The following ANKS1B variants were observed in gnomAD, a reference collection of about 807,000 sequenced individuals.
The protein encoded by ANKS1B is ankyrin repeat and sterile alpha motif domain-containing protein 1B.
A neutral mutation model predicts 148.3 loss-of-function variants in ANKS1B; 36 were observed. The observed-to-expected ratio is 0.24, with a 90% CI of 0.19 to 0.32. The LOEUF (loss-of-function observed/expected upper bound fraction) is 0.32. ANKS1B is among the 10% of genes least tolerant of loss of function. The probability of loss-of-function intolerance (pLI) is 1.00; values close to 1 mark genes in which losing one functional copy is unlikely to be tolerated. For synonymous variants in ANKS1B, 542 were observed against 560.8 expected (o/e 0.97, Z 0.47); for missense variants, 1,157 against 1,542.6 (o/e 0.75, Z 4.19).
At chr12:99,129,836 G>A (rs142244231) in intron 15 of ANKS1B, among the ~76,000 whole-genome samples, 1 of 152,154 alleles carries the variant, frequency 6.6e-6, no homozygotes, top group Admixed American at 6.5e-5. Context: ...AAGATGTTCA[G>A]TATAACATTG....
intron 1 of ANKS1B, among the ~76,000 whole-genome samples, chr12:99,877,308 T>C (rs149069968): frequency 2.1e-3 from 313 of 152,358 alleles, no homozygotes; most frequent in African/African-American, 7.4e-3. Flanking sequence ...CACATTCCAA[T>C]GGCTCTAAAG....
chr12:99,227,418 A>T (rs983741832), intron 14 of ANKS1B, among the ~76,000 whole-genome samples: 2 of 152,154 alleles, frequency 1.3e-5, no homozygotes, highest in Non-Finnish European at 2.9e-5. Flanking sequence ...TTTTCTTTAT[A>T]AATCACTCAG....
intron 17 of ANKS1B, among the ~76,000 whole-genome samples, chr12:98,992,562 C>T (rs1052440654): frequency 5.3e-5 from 8 of 152,312 alleles, no homozygotes; most frequent in Non-Finnish European, 1.2e-4. Context: ...GCTTCCCCTT[C>T]GCCTTCTGCT....
chr12:98,987,362 T>C (rs913050332), intron 17 of ANKS1B, among the ~76,000 whole-genome samples: 1 of 152,140 alleles, frequency 6.6e-6, no homozygotes, highest in Non-Finnish European at 1.5e-5. Flanking sequence ...ATTTCTAAAG[T>C]ATCCCATTAT....
At chr12:99,275,619 TC>T (rs1466080006) in intron 12 of ANKS1B, among the ~76,000 whole-genome samples, 3 of 152,236 alleles carry the variant, frequency 2.0e-5, no homozygotes, top group Non-Finnish European at 2.9e-5. Context: ...TGTTTCCAAA[TC>T]TTGGCTATTG....
chr12:99,842,629 T>C (rs2085928917), intron 1 of ANKS1B, among the ~76,000 whole-genome samples: 2 of 152,068 alleles, frequency 1.3e-5, no homozygotes, highest in African/African-American at 4.8e-5. Flanking sequence ...TTCCTCTTGG[T>C]AATTTTCCAT....
At chr12:99,925,622 C>A (rs1380939041) in intron 1 of ANKS1B, among the ~76,000 whole-genome samples, 1 of 152,092 alleles carries the variant, frequency 6.6e-6, no homozygotes, top group Non-Finnish European at 1.5e-5. Flanking sequence ...TGGAGCTGGA[C>A]CCTACGAGCA....
rs1422497063 is a variant in ANKS1B at position 99,672,473 on chromosome 12, C to T, written c.1129-17263G>A. 2.6e-5 allele frequency among the ~76,000 whole-genome samples: 4 copies of T among 152,098 alleles called. No individual in the cohort carries two copies. The East Asian group carries it at 5.8e-4, about 22-fold the overall frequency. The stretch of plus-strand genomic sequence containing the variant: ...ACTAAATCTGTCAGTTACAACATCA[C>T]CAGGGAATGCCATCCTGTCATTGCA... On this transcript the variant is annotated intron_variant, in intron 8 of 26. Transcript: ENST00000683438.
chr12:99,086,380 A>G (rs1427242500), intron 15 of ANKS1B, among the ~76,000 whole-genome samples: 2 of 152,178 alleles, frequency 1.3e-5, no homozygotes, highest in African/African-American at 4.8e-5. Flanking sequence ...TAATATGGAG[A>G]GAGGAGCAAA....
Position 99,523,899 on chromosome 12 carries a change from G to T in ANKS1B, c.1273-19258C>A, listed in dbSNP as rs571340036. On this transcript the variant is annotated intron_variant, in intron 9 of 26. Coordinates refer to ENST00000683438, the MANE Select transcript of ANKS1B (RefSeq NM_001352186.2). ...TAGAAGATAGCAGTTTGAATTAGAC[G>T]AGTTTTAAGATGCTAAGTAAATGAG... 2.6e-5 allele frequency among the ~76,000 whole-genome samples: 4 copies of T among 152,252 alleles called. No individual in the cohort carries two copies. The South Asian group carries it at 8.3e-4, about 32-fold the overall frequency.
intron 17 of ANKS1B, among the ~76,000 whole-genome samples, chr12:98,878,185 A>G (rs1247479070): frequency 2.6e-5 from 4 of 151,066 alleles, no homozygotes; most frequent in Non-Finnish European, 5.9e-5. Flanking sequence ...ATGAGGACGT[A>G]CTACTTGTGT....
At chr12:98,806,870 C>T (rs1045372103) in intron 20 of ANKS1B, among the ~76,000 whole-genome samples, 5 of 152,176 alleles carry the variant, frequency 3.3e-5, no homozygotes, top group African/African-American at 9.7e-5. Flanking sequence ...TGCTGGGTCA[C>T]GTGAACACCA....
intron 17 of ANKS1B, among the ~76,000 whole-genome samples, chr12:98,938,899 T>A (rs947551687): frequency 6.6e-5 from 10 of 152,236 alleles, no homozygotes; most frequent in African/African-American, 2.4e-4. Flanking sequence ...GGAAAAGGCC[T>A]TGGTGAGAAG....
chr12:99,512,175 T>C (rs773257462), intron 9 of ANKS1B, among the ~76,000 whole-genome samples: 14 of 151,734 alleles, frequency 9.2e-5, no homozygotes, highest in Non-Finnish European at 1.5e-4. Context: ...CTGACAAAAG[T>C]CTAATATCCA....
chr12:99,015,658 C>A lies in ANKS1B; in HGVS notation c.2778+37499G>T, dbSNP rs1253173547. 2.0e-5 allele frequency among the ~76,000 whole-genome samples: 3 copies of A among 151,984 alleles called. No homozygotes were observed. The South Asian group carries it at 6.2e-4, about 32-fold the overall frequency. ...GAGGTGGGCGGATCAGGAGGTCAGG[C>A]GATCTAGACCATCCTGGCTAACACG... On this transcript the variant is annotated intron_variant, in intron 17 of 26. Coordinates refer to ENST00000683438, the MANE Select transcript of ANKS1B (RefSeq NM_001352186.2).
At chr12:99,593,391 T>G (rs1224561724) in intron 9 of ANKS1B, among the ~76,000 whole-genome samples, 1 of 152,086 alleles carries the variant, frequency 6.6e-6, no homozygotes, top group Admixed American at 6.5e-5. Context: ...AGTTTCCTAT[T>G]GAAAAAAGTT....
chr12:98,754,303 G>A (rs1159497333), intron 25 of ANKS1B, among the ~76,000 whole-genome samples: 1 of 152,174 alleles, frequency 6.6e-6, no homozygotes, highest in East Asian at 1.9e-4. Flanking sequence ...AGACAGCTCT[G>A]ACCATCACTG....
intron 25 of ANKS1B, among the ~76,000 whole-genome samples, chr12:98,764,123 G>C (rs1369043484): frequency 6.6e-6 from 1 of 152,190 alleles, no homozygotes; most frequent in Non-Finnish European, 1.5e-5. Context: ...AACTTGGCCA[G>C]GGTTTGTGCA....
chr12:99,369,842 A>G (rs552012731), intron 12 of ANKS1B, among the ~76,000 whole-genome samples: 2 of 144,174 alleles, frequency 1.4e-5, no homozygotes, highest in African/African-American at 5.2e-5. Context: ...AGACAGACAG[A>G]CAGAGACAGA....
Sources: allele counts gnomAD v4.1 joint callset (sites outside exome capture counted in the v4.1 genomes callset), GRCh38; gene constraint gnomAD v4.1.1; transcripts MANE v1.5; gene names NCBI Gene and HGNC (gene_info 2026-07-23, HGNC 2026-07-21).